Variants in CLVS1 observed in about 807,000 individuals in gnomAD.
The protein encoded by CLVS1 is clavesin 1.
In CLVS1, 10 loss-of-function variants were observed where a neutral mutation model predicts 33.1. The observed-to-expected ratio is 0.30, with a 90% CI of 0.19 to 0.51. CLVS1 has a LOEUF of 0.51. Among genes scored for constraint, CLVS1 ranks in the 20% least tolerant of loss-of-function variants. CLVS1 has a pLI of 0.97. For missense variants in CLVS1, 343 were observed against 433.4 expected, an observed-to-expected ratio of 0.79 and a Z score of 1.85; for synonymous variants, 163 against 166.1, an observed-to-expected ratio of 0.98 and a Z score of 0.14.
the CLVS1 span, among the ~76,000 whole-genome samples, chr8:61,002,475 C>T: frequency 6.6e-6 from 1 of 151,824 alleles, no homozygotes; most frequent in Admixed American, 6.6e-5. Context: ...ATTACAGGTG[C>T]CTGCCACCAT....
chr8:61,275,481 T>G (rs1809542678), intron 2 of CLVS1, among the ~76,000 whole-genome samples: 1 of 152,240 alleles, frequency 6.6e-6, no homozygotes, highest in South Asian at 2.1e-4. Flanking sequence ...ATGGTTGTAT[T>G]TATTGGAGAG....
chr8:61,043,333 T>A, the CLVS1 span, among the ~76,000 whole-genome samples: 2 of 152,322 alleles, frequency 1.3e-5, no homozygotes, highest in East Asian at 3.9e-4. Flanking sequence ...AAAAGCAGCA[T>A]GGTATCCTGG....
At chr8:61,270,990 AG>A (rs1284334821) in intron 2 of CLVS1, among the ~76,000 whole-genome samples, 1 of 150,364 alleles carries the variant, frequency 6.7e-6, no homozygotes, top group Non-Finnish European at 1.5e-5. Context: ...AATTTTTTGA[AG>A]GGTTTTTTGT....
intron 2 of CLVS1, among the ~76,000 whole-genome samples, chr8:61,239,292 G>A (rs1277304483): frequency 7.9e-5 from 12 of 152,168 alleles, no homozygotes; most frequent in Non-Finnish European, 1.8e-4. Flanking sequence ...ACCCTGCAGA[G>A]ACATTGCTTA....
chr8:61,165,019 G>A (rs959887180), intron 2 of CLVS1, among the ~76,000 whole-genome samples: 1 of 152,238 alleles, frequency 6.6e-6, no homozygotes, highest in African/African-American at 2.4e-5. Context: ...GCCATGCAGT[G>A]AGTGTTATAG....
chr8:61,304,270 G>C (rs1252708080), intron 2 of CLVS1, among the ~76,000 whole-genome samples: 1 of 152,228 alleles, frequency 6.6e-6, no homozygotes, highest in African/African-American at 2.4e-5. Context: ...TCAGAACAGT[G>C]AGCAATGGGA....
At chr8:61,289,894 C>A (rs1018683882) in intron 1 of CLVS1, among the ~76,000 whole-genome samples, 10 of 152,286 alleles carry the variant, frequency 6.6e-5, no homozygotes, top group Middle Eastern at 6.8e-3. Flanking sequence ...CTCTAAAATT[C>A]ATTCACTTTT....
intron 2 of CLVS1, among the ~76,000 whole-genome samples, chr8:61,270,854 G>T (rs551172274): frequency 2.9e-4 from 44 of 152,038 alleles, no homozygotes; most frequent in Non-Finnish European, 4.7e-4. Flanking sequence ...TGGGATCGGT[G>T]GTGATATCCC....
At chr8:61,438,332 T>A (rs183743915) in intron 3 of CLVS1, among the ~76,000 whole-genome samples, 1 of 152,322 alleles carries the variant, frequency 6.6e-6, no homozygotes, top group African/African-American at 2.4e-5. Context: ...TCCACCTCCA[T>A]CCATGTCCCT....
the CLVS1 span, among the ~76,000 whole-genome samples, chr8:61,022,195 G>GA: frequency 6.6e-6 from 1 of 152,182 alleles, no homozygotes; most frequent in African/African-American, 2.4e-5. Context: ...CACGGCATCT[G>GA]AATAACCCAA....
chr8:61,440,919 C>G (rs893776511), intron 3 of CLVS1, among the ~76,000 whole-genome samples: 36 of 152,126 alleles, frequency 2.4e-4, no homozygotes, highest in African/African-American at 8.7e-4. Flanking sequence ...AGTGCATTCT[C>G]TTCTCTCTTA....
chr8:61,210,649 T>C (rs1178025226), intron 2 of CLVS1, among the ~76,000 whole-genome samples: 2 of 152,172 alleles, frequency 1.3e-5, no homozygotes, highest in Non-Finnish European at 2.9e-5. Flanking sequence ...AAGAGAACTC[T>C]GGGCTCTGGA....
At chr8:61,042,446 A>G in the CLVS1 span, among the ~76,000 whole-genome samples, 1 of 152,188 alleles carries the variant, frequency 6.6e-6, no homozygotes, top group East Asian at 1.9e-4. Context: ...GGTGGCTTAT[A>G]AACAATGTAT....
chr8:61,266,696 C>A (rs1160150762), intron 2 of CLVS1, among the ~76,000 whole-genome samples: 1 of 152,178 alleles, frequency 6.6e-6, no homozygotes, highest in Non-Finnish European at 1.5e-5. Flanking sequence ...GTGGCAATAG[C>A]TTCACTCTCC....
chr8:61,240,299 A>G (rs139444295), intron 2 of CLVS1, among the ~76,000 whole-genome samples: 79 of 152,152 alleles, frequency 5.2e-4, no homozygotes, highest in African/African-American at 1.8e-3. Context: ...CTCAACTCTC[A>G]TTGACCATTT....
intron 2 of CLVS1, among the ~76,000 whole-genome samples, chr8:61,166,132 AT>A (rs201835615): frequency 0.36 from 45,739 of 128,728 alleles, 8,077 homozygotes; most frequent in African/African-American, 0.52. Flanking sequence ...TATTTATTTT[AT>A]TTTTTTTTTT....
chr8:61,136,067 G>A (rs1806186743), intron 2 of CLVS1, among the ~76,000 whole-genome samples: 1 of 152,260 alleles, frequency 6.6e-6, no homozygotes, highest in Admixed American at 6.5e-5. Flanking sequence ...CTTCCTGGAT[G>A]AGAAACTCTG....
At chr8:61,288,332 G>T (rs1221255619) in intron 1 of CLVS1, 194 bp downstream of exon 1, 2 of 451,062 alleles carry the variant, frequency 4.4e-6, no homozygotes, top group South Asian at 1.6e-5. Context: ...TCCTCCCGGC[G>T]CCCGCTCAGC....
chr8:61,359,409 G>A (rs1319050733), intron 2 of CLVS1, among the ~76,000 whole-genome samples: 1 of 151,964 alleles, frequency 6.6e-6, no homozygotes, highest in African/African-American at 2.4e-5. Flanking sequence ...AGGCTGGAGT[G>A]CAATGGTGCG....
Sources: gnomAD v4.1 joint callset for allele counts (sites outside exome capture counted in the v4.1 genomes callset) on GRCh38, gnomAD v4.1.1 for gene constraint, MANE v1.5 for transcripts, NCBI Gene and HGNC (gene_info 2026-07-23, HGNC 2026-07-21) for gene names.